The following TMPRSS12 variants were observed in gnomAD, a reference collection of about 807,000 sequenced individuals.
TMPRSS12 encodes transmembrane protease serine 12.
In TMPRSS12, 25 loss-of-function variants were observed where a neutral mutation model predicts 26.0. That is an observed-to-expected ratio of 0.96 (90% CI 0.70 to 1.34). The LOEUF is 1.34. Among genes scored for constraint, TMPRSS12 ranks in the 40% most tolerant of loss-of-function variants. The pLI, the probability that TMPRSS12 is intolerant of heterozygous loss-of-function variation, is 0.00. For missense variants in TMPRSS12, 441 were observed against 440.1 expected (o/e 1.00, Z -0.02); for synonymous variants, 150 against 161.7 (o/e 0.93, Z 0.55).
chr12:50,843,172 T>C (rs771790411), intron 1 of TMPRSS12, 21 bp downstream of exon 1: 16 of 1,532,626 alleles, frequency 1.0e-5, no homozygotes, highest in Non-Finnish European at 1.4e-5. Flanking sequence ...TTCGTGCCTG[T>C]CTCTGGGGAG....
intron 3 of TMPRSS12, among the ~76,000 whole-genome samples, chr12:50,873,208 G>A (rs1938083707): frequency 6.6e-6 from 1 of 151,852 alleles, no homozygotes; most frequent in Non-Finnish European, 1.5e-5. Context: ...AGGGGGGCGA[G>A]GGATAAAAGT....
chr12:50,878,535 G>A (rs1938134340), intron 3 of TMPRSS12, among the ~76,000 whole-genome samples: 1 of 152,112 alleles, frequency 6.6e-6, no homozygotes, highest in Non-Finnish European at 1.5e-5. Context: ...CCATGATCAT[G>A]TCACTGCACT....
intron 3 of TMPRSS12, among the ~76,000 whole-genome samples, chr12:50,883,697 G>A (rs1938196980): frequency 6.6e-6 from 1 of 151,974 alleles, no homozygotes; most frequent in African/African-American, 2.4e-5. Flanking sequence ...AAATAATAAT[G>A]AAATAAAATA....
At position 50,887,730 on chromosome 12, in the gene TMPRSS12, A is replaced by G. The variant is rs1938242534; in HGVS notation, c.*217A>G. ...ATATCTTGATTATTTTATAATCATAATTCTGTATCTGGAATACTCATAGAG... is the reference window on the plus strand; with the variant it reads ...ATATCTTGATTATTTTATAATCATAGTTCTGTATCTGGAATACTCATAGAG... On this transcript the variant is annotated 3_prime_UTR_variant, in exon 5 of 5. Transcript: ENST00000398458. 1 of 495,608 alleles carries G rather than the reference A, an allele frequency of 2.0e-6. No homozygotes were observed. Among genetic ancestry groups the G allele is most frequent in the South Asian group, 3.4e-5 (1 of 29,644 alleles). The allele number at this position is 495,608 out of a possible 1,614,324, so 30.7% of individuals were successfully genotyped here. A position where few individuals can be genotyped will look rare whatever the true frequency, so the allele number is the denominator to read the frequency against.
intron 2 of TMPRSS12, among the ~76,000 whole-genome samples, chr12:50,851,336 GAT>G (rs1242253791): frequency 6.6e-6 from 1 of 152,130 alleles, no homozygotes; most frequent in Non-Finnish European, 1.5e-5. Flanking sequence ...AGAGCTGAAA[GAT>G]GAAACAGCCA....
At position 50,885,368 on chromosome 12, in the gene TMPRSS12, G is replaced by A; in HGVS notation, c.775G>A (p.Gly259Arg). ...TTCATTTTGTGCAGGTGATGAAGAT[G>A]GAGCTTTTGATACTTGCAGGGTAAG... ...NTSFCAGDED[G>R]AFDTCRGDSG... The change falls in exon 4 of 5, where the codon GGA becomes AGA. Residue 259 changes from glycine to arginine, a missense_variant. Coordinates refer to ENST00000398458, the MANE Select transcript of TMPRSS12 (RefSeq NM_182559.3). The A allele has an allele frequency of 1.2e-6, 2 of 1,613,760 alleles. No homozygotes were observed. The highest frequency in any genetic ancestry group is 1.7e-6 in the Non-Finnish European group (2 of 1,179,820).
intron 3 of TMPRSS12, among the ~76,000 whole-genome samples, chr12:50,876,178 T>C (rs1490032908): frequency 1.3e-5 from 2 of 151,958 alleles, no homozygotes; most frequent in Non-Finnish European, 2.9e-5. Flanking sequence ...ATCAGAGAAA[T>C]GCAAATCAAA....
At position 50,887,460 on chromosome 12, in the gene TMPRSS12, C is replaced by T. The variant is rs199914713; in HGVS notation, c.994C>T (p.Arg332Cys). The T allele has an allele frequency of 1.5e-4, 237 of 1,613,878 alleles. No homozygotes were observed. The highest frequency in any genetic ancestry group is 3.6e-4 in the African/African-American group (27 of 75,024). Reference sequence around the variant, plus strand: ...AGGCATACTTACTATAAATATTTTACGTGGCCAGATCCTCATAGCTTTATG... The same window carrying T: ...AGGCATACTTACTATAAATATTTTATGTGGCCAGATCCTCATAGCTTTATG... ...TQGILTINIL[R>C]GQILIALCFV... is the part of the protein sequence containing the mutation. Residue 332 changes from arginine (R) to cysteine (C), a missense_variant, in exon 5 of 5, where the codon CGT becomes TGT. By Grantham distance (180) the Arg-to-Cys change is radical (BLOSUM62 -3). Coordinates refer to ENST00000398458, the MANE Select transcript of TMPRSS12 (RefSeq NM_182559.3).
chr12:50,887,368 G>C lies in TMPRSS12; in HGVS notation c.902G>C (p.Gly301Ala), dbSNP rs1351137906. 1.9e-6 allele frequency: 3 copies of C among 1,613,888 alleles called. No homozygotes were observed. Among genetic ancestry groups the C allele is most frequent in the Admixed American group, 1.7e-5 (1 of 60,006 alleles). ...GHGCGRRGFP[G>A]VYIGPSFYQK... Reference sequence around the variant, plus strand: ...GGCTGTGGTCGAAGAGGTTTTCCTGGTGTCTATATTGGGCCATCCTTCTAC... The same window carrying C: ...GGCTGTGGTCGAAGAGGTTTTCCTGCTGTCTATATTGGGCCATCCTTCTAC... The change falls in exon 5 of 5, where the codon GGT becomes GCT. Residue 301 changes from glycine to alanine, a missense_variant. Transcript: ENST00000398458.
chr12:50,851,879 C>T (rs1202181547), intron 2 of TMPRSS12, among the ~76,000 whole-genome samples: 4 of 152,182 alleles, frequency 2.6e-5, no homozygotes, highest in South Asian at 2.1e-4. Flanking sequence ...CAGAAAAGAT[C>T]GGGGCAGTCT....
At chr12:50,868,780 A>G (rs1191680688) in intron 3 of TMPRSS12, among the ~76,000 whole-genome samples, 1 of 152,214 alleles carries the variant, frequency 6.6e-6, no homozygotes, top group Non-Finnish European at 1.5e-5. Flanking sequence ...TAAGAAAATT[A>G]AAATTATATC....
intron 3 of TMPRSS12, among the ~76,000 whole-genome samples, chr12:50,864,347 G>T (rs1459460187): frequency 6.6e-6 from 1 of 151,998 alleles, no homozygotes; most frequent in Admixed American, 6.6e-5. Context: ...ACAATAAAAA[G>T]ATCACAAATA....
chr12:50,846,023 T>A (rs1937763475), intron 2 of TMPRSS12, among the ~76,000 whole-genome samples: 1 of 152,226 alleles, frequency 6.6e-6, no homozygotes, highest in Admixed American at 6.5e-5. Context: ...GTTCTTTATG[T>A]ATTCTGGATA....
At chr12:50,860,402 T>C in intron 3 of TMPRSS12, among the ~76,000 whole-genome samples, 1 of 152,114 alleles carries the variant, frequency 6.6e-6, no homozygotes, top group East Asian at 1.9e-4. Flanking sequence ...CTGTTTCTGT[T>C]CTTGTTGTTA....
At chr12:50,863,680 A>G (rs549680483) in intron 3 of TMPRSS12, among the ~76,000 whole-genome samples, 24 of 152,290 alleles carry the variant, frequency 1.6e-4, no homozygotes, top group Admixed American at 1.2e-3. Context: ...AAAATGTCAT[A>G]TATGATTCCA....
intron 3 of TMPRSS12, among the ~76,000 whole-genome samples, chr12:50,884,878 T>TAA (rs368787852): frequency 0.033 from 4,399 of 133,382 alleles, 240 homozygotes; most frequent in African/African-American, 0.12. Context: ...TCTCAAAAAT[T>TAA]AAAAAAAAAA....
In TMPRSS12 at chr12:50,843,020, A is replaced by G; in HGVS notation, c.56A>G (p.Tyr19Cys). ...ALLFVGSSHL[Y>C]SDHYSPSGRH... ...TTGTTTGTGGGGAGCTCTCACTTAT[A>G]CTCAGACCACTACTCGCCCTCTGGA... The change falls in exon 1 of 5, where the codon TAC becomes TGC. Residue 19 changes from tyrosine to cysteine, a missense_variant. Transcript: ENST00000398458. 1 of 1,606,456 alleles carries G rather than the reference A, an allele frequency of 6.2e-7. No homozygotes were observed. The highest frequency in any genetic ancestry group is 8.5e-7 in the Non-Finnish European group (1 of 1,176,798).
chr12:50,859,604 C>T (rs1051073019), intron 3 of TMPRSS12, among the ~76,000 whole-genome samples: 7 of 152,106 alleles, frequency 4.6e-5, no homozygotes, highest in African/African-American at 1.2e-4. Flanking sequence ...GTGATCCACC[C>T]GCCTCAGCCT....
intron 3 of TMPRSS12, among the ~76,000 whole-genome samples, chr12:50,860,672 C>T (rs918011049): frequency 9.9e-5 from 15 of 151,786 alleles, no homozygotes; most frequent in African/African-American, 3.6e-4. Flanking sequence ...TGCAGGGACA[C>T]GATCATGGCT....
Sources: allele counts gnomAD v4.1 joint callset (sites outside exome capture counted in the v4.1 genomes callset), GRCh38; gene constraint gnomAD v4.1.1; transcripts MANE v1.5; gene names NCBI Gene and HGNC (gene_info 2026-07-23, HGNC 2026-07-21).